The following DNAH12 variants were observed in gnomAD, a reference collection of about 807,000 sequenced individuals.
DNAH12 encodes the protein dynein axonemal heavy chain 12, also known as axonemal beta dynein heavy chain 12.
DNAH12 carries 285 observed loss-of-function variants against 371.5 expected under a neutral mutation model. The observed-to-expected ratio is 0.77, with a 90% CI of 0.70 to 0.85. The LOEUF (loss-of-function observed/expected upper bound fraction) is 0.85. Among genes scored for constraint, DNAH12 ranks in the 40% least tolerant of loss-of-function variants. DNAH12 has a pLI of 0.00. For synonymous variants in DNAH12, 1,200 were observed against 1,213.0 expected, an observed-to-expected ratio of 0.99 and a Z score of 0.22; for missense variants, 3,611 against 3,689.4, an observed-to-expected ratio of 0.98 and a Z score of 0.55.
At chr3:57,432,143 C>T (rs2064973614) in intron 32 of DNAH12, among the ~76,000 whole-genome samples, 1 of 150,768 alleles carries the variant, frequency 6.6e-6, no homozygotes, top group African/African-American at 2.4e-5. Flanking sequence ...TGACTAACCA[C>T]CTATGATAAA....
chr3:57,349,460 C>CCTA (rs2062620278), intron 60 of DNAH12, among the ~76,000 whole-genome samples: 1 of 152,140 alleles, frequency 6.6e-6, no homozygotes, highest in Non-Finnish European at 1.5e-5. Flanking sequence ...CAGCAATCCC[C>CCTA]CTACTCGGTA....
intron 2 of DNAH12, among the ~76,000 whole-genome samples, chr3:57,534,895 C>A (rs564058300): frequency 5.9e-5 from 9 of 152,246 alleles, no homozygotes; most frequent in African/African-American, 2.2e-4. Context: ...AGAAAAAAGT[C>A]ATATTCTTTG....
intron 69 of DNAH12, among the ~76,000 whole-genome samples, chr3:57,302,567 A>ATATATATATTTT (rs2061380979): frequency 3.6e-5 from 1 of 27,482 alleles, no homozygotes; most frequent in African/African-American, 1.3e-4. Flanking sequence ...ATATATATGT[A>ATATATATATTTT]TTTTTTTTTT....
intron 40 of DNAH12, 110 bp from the exon 41 acceptor site, chr3:57,406,062 G>A: frequency 6.5e-6 from 8 of 1,224,830 alleles, no homozygotes; most frequent in Non-Finnish European, 8.8e-6. Context: ...CAGATTATAT[G>A]GGCTTGGGCT....
intron 60 of DNAH12, among the ~76,000 whole-genome samples, chr3:57,345,003 T>C (rs1003836547): frequency 6.7e-6 from 1 of 149,944 alleles, no homozygotes; most frequent in Non-Finnish European, 1.5e-5. Flanking sequence ...TAGTAGTCTA[T>C]TGTTGACTGA....
At chr3:57,547,291 G>C (rs1360247273), upstream of DNAH12, among the ~76,000 whole-genome samples, 2 of 151,374 alleles carry the variant, frequency 1.3e-5, no homozygotes, top group African/African-American at 4.8e-5. Flanking sequence ...AACCCTGACT[G>C]ATACAATGTA....
chr3:57,385,866 G>C, intron 47 of DNAH12, among the ~76,000 whole-genome samples: 1 of 152,200 alleles, frequency 6.6e-6, no homozygotes, highest in South Asian at 2.1e-4. Context: ...GGGTGACAGA[G>C]TGACACTCCA....
chr3:57,326,777 G>A (rs1488750677), intron 62 of DNAH12, among the ~76,000 whole-genome samples: 1 of 152,144 alleles, frequency 6.6e-6, no homozygotes, highest in Non-Finnish European at 1.5e-5. Context: ...ATTGGATAAA[G>A]AGTCAAGACC....
chr3:57,505,098 T>C (rs2067702969), intron 8 of DNAH12, among the ~76,000 whole-genome samples: 1 of 152,004 alleles, frequency 6.6e-6, no homozygotes, highest in Admixed American at 6.6e-5. Context: ...ACGTTGCTCA[T>C]GGCTGGTCTC....
intron 13 of DNAH12, among the ~76,000 whole-genome samples, chr3:57,477,687 C>T (rs1434386918): frequency 6.6e-6 from 1 of 152,202 alleles, no homozygotes. Flanking sequence ...TAGGGGCAGA[C>T]TGACACCTCA....
intron 8 of DNAH12, among the ~76,000 whole-genome samples, chr3:57,506,140 G>A (rs912687000): frequency 8.5e-5 from 13 of 152,136 alleles, no homozygotes; most frequent in African/African-American, 2.9e-4. Context: ...TACAGAAAAT[G>A]TTCCAGAAGA....
intron 39 of DNAH12, among the ~76,000 whole-genome samples, chr3:57,412,501 G>T (rs1359388650): frequency 6.6e-6 from 1 of 152,016 alleles, no homozygotes; most frequent in Non-Finnish European, 1.5e-5. Flanking sequence ...AGAATGAGAA[G>T]ACAGGCCTGA....
chr3:57,315,380 G>C (rs915994086), intron 65 of DNAH12, among the ~76,000 whole-genome samples: 1 of 150,418 alleles, frequency 6.6e-6, no homozygotes, highest in African/African-American at 2.5e-5. Flanking sequence ...ATACGTTTTT[G>C]AAATGTTCTA....
chr3:57,499,647 A>ATATATATATATAT (rs1553711615), intron 11 of DNAH12, among the ~76,000 whole-genome samples: 20 of 17,944 alleles, frequency 1.1e-3, no homozygotes, highest in Non-Finnish European at 1.8e-3. Context: ...AAAAAAAAAA[A>ATATATATATATAT]ATATATATAT....
intron 12 of DNAH12, among the ~76,000 whole-genome samples, 151 bp from the exon 13 acceptor site, chr3:57,483,662 T>C (rs1220228107): frequency 1.3e-5 from 2 of 152,030 alleles, no homozygotes; most frequent in Non-Finnish European, 2.9e-5. Context: ...ATATTTAAGC[T>C]TGGCCAGGCA....
intron 26 of DNAH12, 89 bp from the exon 27 acceptor site, chr3:57,446,359 G>A: frequency 6.9e-7 from 1 of 1,455,556 alleles, no homozygotes; most frequent in Non-Finnish European, 9.1e-7. Flanking sequence ...AGTCAGAATT[G>A]AAAGTTAAAT....
At chr3:57,405,381 C>T (rs190388379) in intron 41 of DNAH12, among the ~76,000 whole-genome samples, 1 of 152,062 alleles carries the variant, frequency 6.6e-6, no homozygotes, top group East Asian at 1.9e-4. Flanking sequence ...TGGGCGACTC[C>T]CATTGAGTAG....
At chr3:57,357,859 CTATT>C (rs1421156124) in intron 58 of DNAH12, among the ~76,000 whole-genome samples, 4 of 152,150 alleles carry the variant, frequency 2.6e-5, no homozygotes, top group African/African-American at 9.7e-5. Context: ...GTATTCAAAA[CTATT>C]TGTTGATTGA....
the DNAH12 span, among the ~76,000 whole-genome samples, chr3:57,552,150 C>G: frequency 6.6e-6 from 1 of 150,538 alleles, no homozygotes; most frequent in Non-Finnish European, 1.5e-5. Context: ...GAGGCTGAGG[C>G]AGGAGAATGG....
Sources: allele counts gnomAD v4.1 joint callset (sites outside exome capture counted in the v4.1 genomes callset), GRCh38; gene constraint gnomAD v4.1.1; transcripts MANE v1.5; gene names NCBI Gene and HGNC (gene_info 2026-07-23, HGNC 2026-07-21).